The following SCN8A variants were observed in gnomAD, a reference collection of about 807,000 sequenced individuals.
SCN8A encodes sodium voltage-gated channel alpha subunit 8.
A neutral mutation model predicts 184.1 loss-of-function variants in SCN8A; 30 were observed. The observed-to-expected ratio is 0.16, with a 90% CI of 0.12 to 0.22. SCN8A has a LOEUF of 0.22. Ranked by LOEUF, SCN8A falls within the 10% of genes least tolerant of loss-of-function variation. The pLI is 1.00. For synonymous variants in SCN8A, 852 were observed against 907.0 expected (o/e 0.94, Z 1.09); for missense variants, 1,057 against 2,498.9 (o/e 0.42, Z 12.30).
chr12:51,774,526 G>C (rs1226987715), intron 20 of SCN8A, among the ~76,000 whole-genome samples, 164 bp downstream of exon 20: 1 of 152,304 alleles, frequency 6.6e-6, no homozygotes, highest in South Asian at 2.1e-4. Context: ...CTTCATATTA[G>C]GAAGGGGAAC....
chr12:51,679,747 A>G (rs4284439), intron 2 of SCN8A, among the ~76,000 whole-genome samples: 103,579 of 131,680 alleles, frequency 0.79, 40,721 homozygotes, highest in East Asian at 0.88. Flanking sequence ...TTTTTTTGAG[A>G]CGGAGTCTCG....
At chr12:51,601,625 T>C (rs907213313) in intron 1 of SCN8A, among the ~76,000 whole-genome samples, 10 of 152,122 alleles carry the variant, frequency 6.6e-5, no homozygotes, top group African/African-American at 2.4e-4. Flanking sequence ...ATTAATTAGA[T>C]ATGTTTTCCA....
chr12:51,797,443 G>A (rs1565930385), intron 26 of SCN8A, among the ~76,000 whole-genome samples: 1 of 152,164 alleles, frequency 6.6e-6, no homozygotes, highest in South Asian at 2.1e-4. Flanking sequence ...CTTCATTTCT[G>A]CAACTGGTCA....
chr12:51,770,072 C>A lies in SCN8A; in HGVS notation c.3490+87C>A. On this transcript the variant is annotated intron_variant, in intron 18 of 26. Transcript: ENST00000627620. ...GCCAGGGCTAGTGGTGGGTGAGGGG[C>A]AGCTCAGTGGCTATCTTCAAGAACT... 8.0e-6 allele frequency: 7 copies of A among 874,798 alleles called. No individual in the cohort carries two copies. In the South Asian group the frequency reaches 9.0e-5, roughly 11 times the overall value. 54.2% of individuals were successfully genotyped at this position (874,798 alleles called of 1,614,324 possible). A position where few individuals can be genotyped will look rare whatever the true frequency, so the allele number is the denominator to read the frequency against.
At position 51,774,178 on chromosome 12, in the gene SCN8A, C is replaced by T. The variant is rs763092046; in HGVS notation, c.3646-11C>T. 13 of 1,612,694 alleles carry T rather than the reference C, an allele frequency of 8.1e-6. No individual in the cohort carries two copies. Among genetic ancestry groups the T allele is most frequent in the Non-Finnish European group, 1.0e-5 (12 of 1,179,166 alleles). ...AGGCACTGTCATAGGCAGCTGCTGC[C>T]TCTCTTTTAGGCCTTCGAGGACATC... On this transcript the variant is annotated splice_polypyrimidine_tract_variant and intron_variant, in intron 19 of 26. Coordinates refer to ENST00000627620, the MANE Select transcript of SCN8A (RefSeq NM_001330260.2).
chr12:51,673,422 T>G (rs1941167157), intron 2 of SCN8A, among the ~76,000 whole-genome samples: 1 of 152,182 alleles, frequency 6.6e-6, no homozygotes, highest in South Asian at 2.1e-4. Context: ...TTGTGTTTAG[T>G]TCATTTGTTT....
chr12:51,681,922 A>T lies in SCN8A; in HGVS notation c.277-2252A>T, dbSNP rs189517375. Among the ~76,000 whole-genome samples, 289 of 152,186 alleles carry T rather than the reference A, an allele frequency of 1.9e-3. 1 individual carries two copies. Among genetic ancestry groups the T allele is most frequent in the Non-Finnish European group, 1.9e-3 (132 of 67,988 alleles). On this transcript the variant is annotated intron_variant, in intron 2 of 26. Transcript: ENST00000627620. Reference sequence around the variant, plus strand: ...ATAAGATTGGTTCCTGCCCTCAAAGAACCAAAAGCCTAATTGTAGGGGATG... The same window carrying T: ...ATAAGATTGGTTCCTGCCCTCAAAGTACCAAAAGCCTAATTGTAGGGGATG...
At chr12:51,689,254 C>T (rs562974548) in intron 6 of SCN8A, 158 bp downstream of exon 6, 2 of 638,186 alleles carry the variant, frequency 3.1e-6, no homozygotes, top group South Asian at 4.0e-5. Flanking sequence ...CCGTTGGGTC[C>T]TCAGGCAGTT....
At chr12:51,601,249 C>G (rs1442988200) in intron 1 of SCN8A, among the ~76,000 whole-genome samples, 1 of 152,116 alleles carries the variant, frequency 6.6e-6, no homozygotes, top group Non-Finnish European at 1.5e-5. Flanking sequence ...TTTAGTAGAT[C>G]TATAGATTTT....
At chr12:51,665,203 A>G (rs1193933356) in intron 2 of SCN8A, among the ~76,000 whole-genome samples, 1 of 152,160 alleles carries the variant, frequency 6.6e-6, no homozygotes, top group Non-Finnish European at 1.5e-5. Context: ...TCCATTCCCA[A>G]TGCCTCAGAT....
At position 51,666,976 on chromosome 12, in the gene SCN8A, C is replaced by G. The variant is rs537905057; in HGVS notation, c.276+3883C>G. ...CCTCAGACTTCTCAGGGCTACTTTA[C>G]ATTTTCTTTGTCTCTTGGTACTTCG... On this transcript the variant is annotated intron_variant, in intron 2 of 26. Transcript: ENST00000627620. Among the ~76,000 whole-genome samples the G allele has an allele frequency of 3.2e-4, 48 of 152,314 alleles. No homozygotes were observed. In the South Asian group the frequency reaches 9.5e-3, roughly 30 times the overall value.
At chr12:51,784,923 T>G (rs1198165070) in intron 21 of SCN8A, among the ~76,000 whole-genome samples, 1 of 152,204 alleles carries the variant, frequency 6.6e-6, no homozygotes. Flanking sequence ...GTTTCAAGTC[T>G]TTGGGGCCTA....
rs1304736277 is a variant in SCN8A, at chr12:51,794,478, C to T, written c.4632C>T (p.Asp1544=). 1.2e-6 allele frequency: 2 copies of T among 1,614,010 alleles called. No individual in the cohort carries two copies. Among genetic ancestry groups the T allele is most frequent in the Non-Finnish European group, 1.7e-6 (2 of 1,179,890 alleles). The change falls in exon 26 of 27, where the codon GAC becomes GAT. Residue 1544 remains aspartate, a synonymous_variant. Coordinates refer to ENST00000627620, the MANE Select transcript of SCN8A (RefSeq NM_001330260.2). ...TGGTGACAATGATGGTGGAGACAGACACTCAAAGCAAGCAGATGGAGAACA... is the reference window on the plus strand; with the variant it reads ...TGGTGACAATGATGGTGGAGACAGATACTCAAAGCAAGCAGATGGAGAACA... ...LNMVTMMVET[D]TQSKQMENIL...
intron 20 of SCN8A, 39 bp from the exon 21 acceptor site, chr12:51,780,610 C>CTTTTTTTTTTTTT: frequency 1.3e-5 from 1 of 76,060 alleles, no homozygotes; most frequent in Admixed American, 3.3e-4. Context: ...TTTTTGGTTA[C>CTTTTTTTTTTTTT]CTTTTTTGTT....
At chr12:51,677,976 T>C (rs1407177335) in intron 2 of SCN8A, among the ~76,000 whole-genome samples, 1 of 152,232 alleles carries the variant, frequency 6.6e-6, no homozygotes, top group Non-Finnish European at 1.5e-5. Context: ...AGAAGTATTG[T>C]AAAAACCCAA....
intron 1 of SCN8A, among the ~76,000 whole-genome samples, chr12:51,655,748 G>A (rs887600171): frequency 1.4e-4 from 21 of 152,156 alleles, no homozygotes; most frequent in African/African-American, 5.1e-4. Context: ...GTATCTTTGA[G>A]TCTAGTTCAA....
At chr12:51,612,083 A>G (rs563214712) in intron 1 of SCN8A, among the ~76,000 whole-genome samples, 2 of 152,304 alleles carry the variant, frequency 1.3e-5, no homozygotes, top group African/African-American at 4.8e-5. Flanking sequence ...GAGACTGGAC[A>G]TCCATGCATT....
intron 1 of SCN8A, among the ~76,000 whole-genome samples, chr12:51,595,016 C>T (rs768054054): frequency 2.0e-5 from 3 of 152,108 alleles, no homozygotes; most frequent in South Asian, 2.1e-4. Flanking sequence ...GGACTTCACT[C>T]GTAAAGTCTG....
chr12:51,754,949 A>G (rs967479422), intron 14 of SCN8A, among the ~76,000 whole-genome samples: 4 of 152,134 alleles, frequency 2.6e-5, no homozygotes, highest in Non-Finnish European at 4.4e-5. Context: ...CAGGCTTTTC[A>G]TCTGTGAAGT....
Sources: gnomAD v4.1 joint callset for allele counts (sites outside exome capture counted in the v4.1 genomes callset) on GRCh38, gnomAD v4.1.1 for gene constraint, MANE v1.5 for transcripts, NCBI Gene and HGNC (gene_info 2026-07-23, HGNC 2026-07-21) for gene names.